The following ADAMTSL1 variants were observed in gnomAD, a reference collection of about 807,000 sequenced individuals.
ADAMTSL1 encodes ADAMTS-like protein 1.
A neutral mutation model predicts 201.8 loss-of-function variants in ADAMTSL1; 126 were observed. The observed-to-expected ratio is 0.62, with a 90% CI of 0.54 to 0.72. The LOEUF is 0.72. Among genes scored for constraint, ADAMTSL1 ranks in the 30% least tolerant of loss-of-function variants. The pLI is 0.00. For missense variants in ADAMTSL1, 2,679 were observed against 2,277.8 expected (o/e 1.18, Z -3.59); for synonymous variants, 1,121 against 903.4 (o/e 1.24, Z -4.32).
intron 1 of ADAMTSL1, among the ~76,000 whole-genome samples, chr9:17,913,266 A>T (rs2131271885): frequency 6.6e-6 from 1 of 152,248 alleles, no homozygotes. Flanking sequence ...GATGGCATTG[A>T]ATCTATAAAT....
At chr9:18,585,948 TAA>T (rs1823459949) in intron 4 of ADAMTSL1, among the ~76,000 whole-genome samples, 2 of 152,050 alleles carry the variant, frequency 1.3e-5, no homozygotes, top group Admixed American at 6.6e-5. Context: ...CCTAAAACAA[TAA>T]GAGTCATCTA....
At chr9:18,634,882 T>C (rs1377617136) in intron 5 of ADAMTSL1, among the ~76,000 whole-genome samples, 1 of 140,446 alleles carries the variant, frequency 7.1e-6, no homozygotes, top group African/African-American at 2.7e-5. Context: ...TATTTATATA[T>C]ATAAATATGT....
At position 18,116,529 on chromosome 9, in the gene ADAMTSL1, C is replaced by T. The variant is rs988335861; in HGVS notation, c.88-47333C>T. Among the ~76,000 whole-genome samples, 5 of 152,130 alleles carry T rather than the reference C, an allele frequency of 3.3e-5. No individual in the cohort carries two copies. In the South Asian group the frequency reaches 1.0e-3, roughly 32 times the overall value. ...ACATTGCTTGTAATTGTTTCTCTCA[C>T]TGTGTTATGAAATCTCCCTTTCTAT... On this transcript the variant is annotated intron_variant, in intron 1 of 29. Coordinates refer to the ADAMTSL1 transcript ENST00000680146.
chr9:18,236,715 T>A (rs1027545886), intron 2 of ADAMTSL1, among the ~76,000 whole-genome samples: 1 of 152,264 alleles, frequency 6.6e-6, no homozygotes, highest in African/African-American at 2.4e-5. Context: ...AGCACAGGAA[T>A]TAAATCTTAG....
rs117016252 is a variant in ADAMTSL1, at chr9:18,513,725, C to T, written c.191+8769C>T. On this transcript the variant is annotated intron_variant, in intron 2 of 28. Coordinates refer to ENST00000380548, the MANE Select transcript of ADAMTSL1 (RefSeq NM_001040272.6). ...TTTCACATGTGGATATCCAGTTTTCCCAGCACCTTTCCCCATTGTGTATTC... is the reference window on the plus strand; with the variant it reads ...TTTCACATGTGGATATCCAGTTTTCTCAGCACCTTTCCCCATTGTGTATTC... 2.6e-3 allele frequency among the ~76,000 whole-genome samples: 403 copies of T among 152,182 alleles called. 3 individuals are homozygous for T. The South Asian group carries it at 0.037, about 14-fold the overall frequency.
chr9:18,001,978 G>T (rs1819629275), intron 1 of ADAMTSL1, among the ~76,000 whole-genome samples: 1 of 151,938 alleles, frequency 6.6e-6, no homozygotes, highest in Non-Finnish European at 1.5e-5. Flanking sequence ...AGAATGGTTT[G>T]GGTGAGAAGG....
At chr9:18,585,789 G>A (rs1040830164) in intron 4 of ADAMTSL1, among the ~76,000 whole-genome samples, 1 of 152,134 alleles carries the variant, frequency 6.6e-6, no homozygotes, top group African/African-American at 2.4e-5. Flanking sequence ...GAGATGCAAG[G>A]TTGATTCAAT....
At chr9:18,077,670 T>C (rs897388983) in intron 1 of ADAMTSL1, among the ~76,000 whole-genome samples, 3 of 152,012 alleles carry the variant, frequency 2.0e-5, no homozygotes, top group African/African-American at 7.3e-5. Flanking sequence ...ATGCTACTTG[T>C]GTGAGAAGTT....
chr9:18,304,402 T>C (rs1031179777), intron 2 of ADAMTSL1, among the ~76,000 whole-genome samples: 1 of 151,506 alleles, frequency 6.6e-6, no homozygotes. Context: ...GAAATGTTTA[T>C]TTTAATTCCA....
chr9:18,748,403 T>G (rs1304897852), intron 15 of ADAMTSL1, among the ~76,000 whole-genome samples: 1 of 152,214 alleles, frequency 6.6e-6, no homozygotes, highest in African/African-American at 2.4e-5. Flanking sequence ...ACATAAATTG[T>G]ATAACACCCC....
At chr9:18,536,443 CTTT>C (rs34201579) in intron 3 of ADAMTSL1, among the ~76,000 whole-genome samples, 5 of 142,688 alleles carry the variant, frequency 3.5e-5, no homozygotes, top group African/African-American at 5.1e-5. Context: ...CCCAGTTTCC[CTTT>C]TTTTTTTTTT....
rs1830522306 is a variant in ADAMTSL1, at chr9:18,681,880, C to T, written c.1410C>T (p.His470=). Residue 470 remains histidine (H), a synonymous_variant, in exon 12 of 29, where the codon CAC becomes CAT. Coordinates refer to ENST00000380548, the MANE Select transcript of ADAMTSL1 (RefSeq NM_001040272.6). The stretch of plus-strand genomic sequence containing the variant: ...TCTGCATCGACCATCGAGGAATGCA[C>T]ACAGGAGGCTGTAGCCCAAAAACAA... ...VVLCIDHRGM[H]TGGCSPKTKP... 3 of 1,614,078 alleles carry T rather than the reference C, an allele frequency of 1.9e-6. No individual in the cohort carries two copies. The highest frequency in any genetic ancestry group is 2.2e-5 in the East Asian group (1 of 44,886).
intron 1 of ADAMTSL1, among the ~76,000 whole-genome samples, chr9:17,926,141 A>G (rs926064308): frequency 3.3e-5 from 5 of 152,180 alleles, no homozygotes; most frequent in Non-Finnish European, 5.9e-5. Flanking sequence ...TATTGTTAAT[A>G]ATCATTGTCA....
At chr9:18,466,091 C>T (rs1820994176) in intron 2 of ADAMTSL1, among the ~76,000 whole-genome samples, 1 of 152,162 alleles carries the variant, frequency 6.6e-6, no homozygotes, top group Admixed American at 6.5e-5. Flanking sequence ...TCTCTTAAAA[C>T]ACAGATGGAC....
chr9:18,081,418 A>G (rs1823495469), intron 1 of ADAMTSL1, among the ~76,000 whole-genome samples: 1 of 152,020 alleles, frequency 6.6e-6, no homozygotes, highest in Non-Finnish European at 1.5e-5. Flanking sequence ...CTTTATAAAC[A>G]TTCCCAATCT....
rs577393764 is a variant in ADAMTSL1 at position 17,970,238 on chromosome 9, C to A, written c.87+63316C>A. On this transcript the variant is annotated intron_variant, in intron 1 of 29. Transcript: ENST00000680146. ...ACAACAACAAATGGGAGTATCTTAA[C>A]CTCTTCCTGCAAGGACCCATTGTAT... is the stretch of plus-strand genomic sequence containing the variant. Among the ~76,000 whole-genome samples, 3 of 152,114 alleles carry A rather than the reference C, an allele frequency of 2.0e-5. No individual in the cohort carries two copies. The South Asian group carries it at 6.2e-4, about 32-fold the overall frequency.
At chr9:18,835,909 A>G (rs1405500282) in intron 23 of ADAMTSL1, among the ~76,000 whole-genome samples, 3 of 152,104 alleles carry the variant, frequency 2.0e-5, no homozygotes, top group Admixed American at 6.6e-5. Flanking sequence ...TCCACTGTTG[A>G]TGGGCACCTA....
At chr9:18,017,089 G>A (rs779749434) in intron 1 of ADAMTSL1, among the ~76,000 whole-genome samples, 36 of 152,114 alleles carry the variant, frequency 2.4e-4, no homozygotes, top group Middle Eastern at 6.8e-3. Context: ...CCCATGCAAT[G>A]ATTCCAGATA....
At chr9:18,053,469 A>G (rs1040188660) in intron 1 of ADAMTSL1, among the ~76,000 whole-genome samples, 2 of 152,170 alleles carry the variant, frequency 1.3e-5, no homozygotes, top group South Asian at 4.2e-4. Flanking sequence ...ACATGTGACA[A>G]TCTCTTAATT....
Sources: gnomAD v4.1 joint callset for allele counts (sites outside exome capture counted in the v4.1 genomes callset) on GRCh38, gnomAD v4.1.1 for gene constraint, MANE v1.5 for transcripts, NCBI Gene and HGNC (gene_info 2026-07-23, HGNC 2026-07-21) for gene names.